The following DAB1 variants were observed in gnomAD, a reference collection of about 807,000 sequenced individuals.
The protein encoded by DAB1 is DAB adaptor protein 1, also known as disabled homolog 1.
Under a neutral mutation model 64.6 loss-of-function variants are expected in DAB1, and 15 were observed. That is an observed-to-expected ratio of 0.23 (90% confidence interval 0.16 to 0.36). The LOEUF is 0.36. DAB1 is among the 10% of genes least tolerant of loss of function. The pLI, the probability that DAB1 is intolerant of heterozygous loss-of-function variation, is 1.00. For missense variants in DAB1, 596 were observed against 706.7 expected, an observed-to-expected ratio of 0.84 and a Z score of 1.78; for synonymous variants, 235 against 251.9, an observed-to-expected ratio of 0.93 and a Z score of 0.64.
At chr1:57,413,316 A>G (rs1228844586) in intron 1 of DAB1, among the ~76,000 whole-genome samples, 1 of 152,236 alleles carries the variant, frequency 6.6e-6, no homozygotes, top group Non-Finnish European at 1.5e-5. Flanking sequence ...TCTGCAGCCC[A>G]TGGATCAAGG....
chr1:58,295,910 G>A (rs1024004221), intron 4 of DAB1, among the ~76,000 whole-genome samples: 1 of 151,844 alleles, frequency 6.6e-6, no homozygotes, highest in Non-Finnish European at 1.5e-5. Context: ...GGCCAACATG[G>A]TGAAATCCTG....
intron 10 of DAB1, among the ~76,000 whole-genome samples, chr1:57,023,862 T>C (rs1333018788): frequency 6.6e-6 from 1 of 152,180 alleles, no homozygotes; most frequent in Non-Finnish European, 1.5e-5. Context: ...AATTAAATTA[T>C]TTTACATTAC....
intron 5 of DAB1, among the ~76,000 whole-genome samples, chr1:58,042,562 T>C (rs934353387): frequency 2.0e-5 from 3 of 152,110 alleles, no homozygotes; most frequent in African/African-American, 7.2e-5. Flanking sequence ...GCATGGCGCA[T>C]TGAAAACACA....
intron 7 of DAB1, among the ~76,000 whole-genome samples, chr1:57,500,726 C>G (rs761945583): frequency 4.6e-5 from 7 of 152,116 alleles, no homozygotes; most frequent in Non-Finnish European, 1.0e-4. Flanking sequence ...TGCCACTGAG[C>G]TGCTTTATTC....
chr1:58,419,150 T>C (rs1644748841), intron 3 of DAB1, among the ~76,000 whole-genome samples: 1 of 152,164 alleles, frequency 6.6e-6, no homozygotes, highest in Non-Finnish European at 1.5e-5. Context: ...CCCATGTTTA[T>C]GAAAACTCAG....
intron 6 of DAB1, among the ~76,000 whole-genome samples, chr1:57,668,564 C>G (rs188820524): frequency 5.6e-4 from 85 of 152,190 alleles, no homozygotes; most frequent in Middle Eastern, 3.4e-3. Context: ...GGGGAGTGAG[C>G]AGGAAATATG....
rs556653871 is a variant in DAB1 at position 58,538,283 on chromosome 1, G to T, written n.32+8420C>A. ...AAGGAAAAAAACAAAGATTTGTTGG[G>T]AACAGAATAGAAAGAAAAGAAGCAT... On this transcript the variant is annotated intron_variant and non_coding_transcript_variant, in intron 1 of 20. Coordinates refer to the DAB1 transcript ENST00000485760. 1.9e-3 allele frequency among the ~76,000 whole-genome samples: 282 copies of T among 152,218 alleles called. 2 individuals carry two copies. The highest frequency in any genetic ancestry group is 6.4e-3 in the African/African-American group (266 of 41,548).
chr1:57,997,802 T>C (rs1431431155), intron 5 of DAB1, among the ~76,000 whole-genome samples: 3 of 151,914 alleles, frequency 2.0e-5, no homozygotes, highest in Non-Finnish European at 4.4e-5. Flanking sequence ...TCGTTGCTGC[T>C]GAAAGGTGAA....
At chr1:57,701,089 C>A (rs1261255967) in intron 6 of DAB1, among the ~76,000 whole-genome samples, 1 of 151,964 alleles carries the variant, frequency 6.6e-6, no homozygotes, top group East Asian at 1.9e-4. Context: ...AACAGGAACA[C>A]TTTTACACTG....
intron 6 of DAB1, among the ~76,000 whole-genome samples, chr1:57,818,020 C>T (rs187319167): frequency 4.3e-4 from 65 of 152,204 alleles, no homozygotes; most frequent in Non-Finnish European, 4.4e-5. Context: ...CCAACAAATA[C>T]TCACCTCCTG....
chr1:58,163,788 G>C (rs1655673235), intron 4 of DAB1, among the ~76,000 whole-genome samples: 1 of 152,184 alleles, frequency 6.6e-6, no homozygotes, highest in Non-Finnish European at 1.5e-5. Flanking sequence ...TGGTCTGACA[G>C]AGACGTATTC....
At chr1:57,331,882 G>A (rs1430912154) in intron 1 of DAB1, among the ~76,000 whole-genome samples, 1 of 152,232 alleles carries the variant, frequency 6.6e-6, no homozygotes, top group African/African-American at 2.4e-5. Flanking sequence ...CAGAAAGGCA[G>A]AGGAATCTTG....
chr1:57,607,004 C>T (rs1293841739), intron 7 of DAB1, among the ~76,000 whole-genome samples: 1 of 151,586 alleles, frequency 6.6e-6, no homozygotes, highest in Non-Finnish European at 1.5e-5. Flanking sequence ...CCAGGCTGGT[C>T]TCGAACTCCT....
rs868815212 is a variant in DAB1 at position 57,666,577 on chromosome 1, T to C, written n.552-16912A>G. On this transcript the variant is annotated intron_variant and non_coding_transcript_variant, in intron 6 of 20. Transcript: ENST00000485760. ...ATGTCAGAAAATTGCAACTGCATTC[T>C]ACAGGTTACTCAGGCCAAAAAATTT... Among the ~76,000 whole-genome samples the C allele has an allele frequency of 2.6e-5, 4 of 152,348 alleles. No individual in the cohort carries two copies. The South Asian group carries it at 6.2e-4, about 24-fold the overall frequency.
intron 4 of DAB1, among the ~76,000 whole-genome samples, chr1:58,161,645 TG>T (rs1655543474): frequency 6.6e-6 from 1 of 152,162 alleles, no homozygotes; most frequent in Non-Finnish European, 1.5e-5. Context: ...AAGACATATA[TG>T]TATATATATA....
At chr1:57,520,607 ATT>A (rs1197454055) in intron 7 of DAB1, among the ~76,000 whole-genome samples, 1 of 152,194 alleles carries the variant, frequency 6.6e-6, no homozygotes, top group African/African-American at 2.4e-5. Context: ...TCTATTAGAC[ATT>A]GTTATACTGC....
intron 3 of DAB1, chr1:58,467,797 G>C (rs1645310913): frequency 6.6e-6 from 1 of 152,188 alleles, no homozygotes; most frequent in Non-Finnish European, 1.5e-5. Context: ...TAGGTATAAT[G>C]AACAACTGTG....
intron 1 of DAB1, among the ~76,000 whole-genome samples, chr1:57,309,966 G>A (rs1674532192): frequency 6.6e-6 from 1 of 152,124 alleles, no homozygotes; most frequent in African/African-American, 2.4e-5. Flanking sequence ...ATCAGGGCAA[G>A]AGGCATTCAT....
chr1:58,307,863 C>T (rs1192608911), intron 4 of DAB1, among the ~76,000 whole-genome samples: 2 of 151,994 alleles, frequency 1.3e-5, no homozygotes, highest in Non-Finnish European at 2.9e-5. Flanking sequence ...CCAGGGACCA[C>T]ATCAGAGTAG....
Sources: gnomAD v4.1 joint callset for allele counts (sites outside exome capture counted in the v4.1 genomes callset) on GRCh38, gnomAD v4.1.1 for gene constraint, MANE v1.5 for transcripts, NCBI Gene and HGNC (gene_info 2026-07-23, HGNC 2026-07-21) for gene names.